GRK7: variants seen among roughly 807,000 people sequenced by gnomAD.
The protein encoded by GRK7 is G protein-coupled receptor kinase 7.
Under a neutral mutation model 34.1 loss-of-function variants are expected in GRK7, and 24 were observed. The ratio of observed to expected loss-of-function variants is 0.70; its 90% CI spans 0.51 to 0.99. GRK7 has a LOEUF of 0.99. GRK7 is among the 50% of genes least tolerant of loss of function. The pLI is 0.00. For synonymous variants in GRK7, 256 were observed against 279.4 expected, an observed-to-expected ratio of 0.92 and a Z score of 0.84; for missense variants, 644 against 707.3, an observed-to-expected ratio of 0.91 and a Z score of 1.02.
At chr3:141,809,339 T>C (rs1711069652) in intron 5 of GRK7, among the ~76,000 whole-genome samples, 1 of 152,196 alleles carries the variant, frequency 6.6e-6, no homozygotes, top group African/African-American at 2.4e-5. Flanking sequence ...AAAAAATATT[T>C]ATGATATTGC....
At chr3:141,772,853 C>T (rs980991850) in intron 1 of GRK7, among the ~76,000 whole-genome samples, 1 of 152,046 alleles carries the variant, frequency 6.6e-6, no homozygotes, top group Non-Finnish European at 1.5e-5. Flanking sequence ...AAAGTTGAGG[C>T]CGGGCGCAGT....
chr3:141,773,703 C>T (rs965000188), intron 1 of GRK7, among the ~76,000 whole-genome samples: 4 of 152,182 alleles, frequency 2.6e-5, no homozygotes, highest in Non-Finnish European at 5.9e-5. Context: ...CATGAGCCAC[C>T]GCGCCCGGCC....
At chr3:141,801,697 C>A (rs1020204125) in intron 4 of GRK7, among the ~76,000 whole-genome samples, 6 of 151,986 alleles carry the variant, frequency 3.9e-5, no homozygotes, top group African/African-American at 1.5e-4. Context: ...AGTGTGTTTT[C>A]TAAGTGACCT....
intron 5 of GRK7, among the ~76,000 whole-genome samples, chr3:141,811,656 A>G (rs1433308346): frequency 6.6e-6 from 1 of 152,018 alleles, no homozygotes; most frequent in Non-Finnish European, 1.5e-5. Context: ...CAACACTTTT[A>G]TTTCAACTCT....
Position 141,817,788 on chromosome 3 carries a change from T to A in GRK7, c.*738T>A, listed in dbSNP as rs566876049. ...TCCCAAACTCTGCTGAACTTTGGAA[T>A]CATCTAGGGATCTTTTAAAAAACTA... On this transcript the variant is annotated 3_prime_UTR_variant, in exon 6 of 6. Transcript: ENST00000682958. 1 of 152,336 alleles carries A rather than the reference T, an allele frequency of 6.6e-6. No individual in the cohort carries two copies. The highest frequency in any genetic ancestry group is 1.9e-4 in the East Asian group (1 of 5,186). 9.4% of individuals were successfully genotyped at this position (152,336 alleles called of 1,614,324 possible). A position where few individuals can be genotyped will look rare whatever the true frequency, so the allele number is the denominator to read the frequency against.
In GRK7 at chr3:141,816,966, G is replaced by T; in HGVS notation, c.1578G>T (p.Leu526=). 1 of 1,614,124 alleles carries T rather than the reference G, an allele frequency of 6.2e-7. No homozygotes were observed. Among genetic ancestry groups the T allele is most frequent in the Non-Finnish European group, 8.5e-7 (1 of 1,180,004 alleles). Residue 526 remains leucine (L), a synonymous_variant, in exon 6 of 6, where the codon CTG becomes CTT. Coordinates refer to ENST00000682958, the MANE Select transcript of GRK7 (RefSeq NM_139209.3). Reference sequence around the variant, plus strand: ...AGGAAGAAATTATAGAAACGGGACTGTTTGAGGAACTGAATGACCCCAACA... The same window carrying T: ...AGGAAGAAATTATAGAAACGGGACTTTTTGAGGAACTGAATGACCCCAACA... ...AWQEEIIETG[L]FEELNDPNRP... is the part of the protein sequence containing the mutation.
chr3:141,752,418 C>T, the GRK7 span, among the ~76,000 whole-genome samples: 33 of 152,262 alleles, frequency 2.2e-4, no homozygotes, highest in African/African-American at 7.5e-4. Flanking sequence ...TGCTGCTAAA[C>T]GTCCACAAGG....
intron 4 of GRK7, among the ~76,000 whole-genome samples, chr3:141,781,278 G>A (rs2084671249): frequency 6.6e-6 from 1 of 152,172 alleles, no homozygotes; most frequent in African/African-American, 2.4e-5. Context: ...GCTCACGCCT[G>A]TAATCCCAGC....
In GRK7 at chr3:141,780,456, G is replaced by A. The variant is rs749981895; in HGVS notation, c.695G>A (p.Gly232Asp). 1.2e-5 allele frequency: 20 copies of A among 1,614,232 alleles called. No homozygotes were observed. In the South Asian group the frequency reaches 2.1e-4, roughly 17 times the overall value. ...AAGAAGCGGCTGAAGAAGAAAGGTG[G>A]CGAGAAGATGGCTCTCTTGGAAAAG... ...LDKKRLKKKGGEKMALLEKEI... is the reference protein window; with the variant it reads ...LDKKRLKKKGDEKMALLEKEI... Residue 232 changes from glycine to aspartate, a missense_variant, in exon 4 of 6, where the codon GGC (glycine) becomes GAC (aspartate). Transcript: ENST00000682958.
At chr3:141,776,468 G>A (rs554275821) in intron 2 of GRK7, among the ~76,000 whole-genome samples, 4 of 152,152 alleles carry the variant, frequency 2.6e-5, no homozygotes, top group Non-Finnish European at 5.9e-5. Context: ...TGAACAATGT[G>A]GACCGGGGTA....
intron 4 of GRK7, among the ~76,000 whole-genome samples, chr3:141,794,753 C>T (rs2084741240): frequency 1.3e-5 from 2 of 152,104 alleles, no homozygotes; most frequent in Admixed American, 6.6e-5. Flanking sequence ...AGACAGAACG[C>T]AGTGGATGAA....
chr3:141,789,663 A>AAAAAACAAAAAAAAAAAAAC (rs2084714173), intron 4 of GRK7, among the ~76,000 whole-genome samples: 1 of 146,770 alleles, frequency 6.8e-6, no homozygotes, highest in African/African-American at 2.6e-5. Context: ...GGGCAAAAAA[A>AAAAAACAAAAAAAAAAAAAC]AAAAAAACAC....
intron 4 of GRK7, among the ~76,000 whole-genome samples, chr3:141,797,333 G>C (rs1474833851): frequency 6.6e-6 from 1 of 152,190 alleles, no homozygotes; most frequent in Non-Finnish European, 1.5e-5. Context: ...CTGCGGCCTG[G>C]GGCCGAGCAT....
chr3:141,767,432 C>T (rs994540825), intron 1 of GRK7, among the ~76,000 whole-genome samples: 7 of 150,564 alleles, frequency 4.6e-5, no homozygotes, highest in African/African-American at 7.3e-5. Context: ...GGGTCTCCTT[C>T]GCACTGTCAC....
chr3:141,776,286 C>CAA (rs10677835), intron 2 of GRK7, among the ~76,000 whole-genome samples: 117,411 of 151,346 alleles, frequency 0.78, 46,047 homozygotes, highest in African/African-American at 0.89. Flanking sequence ...GACTCCGTCT[C>CAA]AAAATAAAAA....
At chr3:141,806,944 ATG>A (rs1356941967) in intron 4 of GRK7, among the ~76,000 whole-genome samples, 1 of 151,828 alleles carries the variant, frequency 6.6e-6, no homozygotes, top group African/African-American at 2.4e-5. Context: ...ATAAATATGT[ATG>A]TATATATATA....
chr3:141,789,656 C>CAAAAAAAAAAAAAAAAAAAAAAAAAAA (rs60765509), intron 4 of GRK7, among the ~76,000 whole-genome samples: 11 of 119,246 alleles, frequency 9.2e-5, no homozygotes, highest in African/African-American at 2.1e-4. Flanking sequence ...GCCAAATGGG[C>CAAAAAAAAAAAAAAAAAAAAAAAAAAA]AAAAAAAAAA....
rs778261742 is a variant in GRK7 at position 141,816,992 on chromosome 3, G to C, written c.1604G>C (p.Arg535Thr). Residue 535 changes from arginine (R) to threonine (T), a missense_variant, in exon 6 of 6, where the codon AGA (arginine) becomes ACA (threonine). By Grantham distance (71) the Arg-to-Thr change is moderately conservative (BLOSUM62 -1). Coordinates refer to ENST00000682958, the MANE Select transcript of GRK7 (RefSeq NM_139209.3). ...TTTGAGGAACTGAATGACCCCAACAGACCTACGGGTTGTGAGGAGGGTAAT... is the reference window on the plus strand; with the variant it reads ...TTTGAGGAACTGAATGACCCCAACACACCTACGGGTTGTGAGGAGGGTAAT... ...GLFEELNDPN[R>T]PTGCEEGNSS... The C allele has an allele frequency of 2.2e-5, 35 of 1,613,612 alleles. No homozygotes were observed. Among genetic ancestry groups the C allele is most frequent in the Middle Eastern group, 1.6e-4 (1 of 6,084 alleles).
At chr3:141,766,144 C>CTGG (rs75111007) in intron 1 of GRK7, among the ~76,000 whole-genome samples, 3 of 151,408 alleles carry the variant, frequency 2.0e-5, no homozygotes, top group African/African-American at 7.3e-5. Context: ...GGACATTTAA[C>CTGG]ATTTACACGC....
Sources: gnomAD v4.1 joint callset for allele counts (sites outside exome capture counted in the v4.1 genomes callset) on GRCh38, gnomAD v4.1.1 for gene constraint, MANE v1.5 for transcripts, NCBI Gene and HGNC (gene_info 2026-07-23, HGNC 2026-07-21) for gene names.